The following SCAMP1 variants were observed in gnomAD, a reference collection of about 807,000 sequenced individuals.
The protein encoded by SCAMP1 is secretory carrier-associated membrane protein 1.
Under a neutral mutation model 41.8 loss-of-function variants are expected in SCAMP1, and 15 were observed. That is an observed-to-expected ratio of 0.36 (90% CI 0.24 to 0.55). The LOEUF is 0.55. Among genes scored for constraint, SCAMP1 ranks in the 20% least tolerant of loss-of-function variants. The probability of loss-of-function intolerance (pLI) is 0.86; values close to 1 mark genes in which losing one functional copy is unlikely to be tolerated. For missense variants in SCAMP1, 341 were observed against 412.6 expected (o/e 0.83, Z 1.50); for synonymous variants, 135 against 136.8 (o/e 0.99, Z 0.09).
At chr5:78,384,172 T>G (rs1032522556) in intron 1 of SCAMP1, among the ~76,000 whole-genome samples, 14 of 20,228 alleles carry the variant, frequency 6.9e-4, no homozygotes, top group Non-Finnish European at 4.1e-4. Context: ...TATTCCCAAG[T>G]TTTTTTTCTT....
intron 6 of SCAMP1, among the ~76,000 whole-genome samples, chr5:78,425,134 A>T (rs1224280495): frequency 6.6e-6 from 1 of 152,234 alleles, no homozygotes; most frequent in Non-Finnish European, 1.5e-5. Context: ...TTTATGATCT[A>T]TAAGTGAACT....
intron 1 of SCAMP1, among the ~76,000 whole-genome samples, chr5:78,369,395 T>C: frequency 6.6e-6 from 1 of 152,110 alleles, no homozygotes; most frequent in Middle Eastern, 3.2e-3. Flanking sequence ...GCGTGAGTCA[T>C]CGTGCCCGGC....
chr5:78,395,565 T>C (rs1317190690), intron 2 of SCAMP1, among the ~76,000 whole-genome samples: 2 of 152,230 alleles, frequency 1.3e-5, no homozygotes, highest in Non-Finnish European at 2.9e-5. Flanking sequence ...CAAGCTGTTG[T>C]CTTGGCTGCA....
intron 6 of SCAMP1, among the ~76,000 whole-genome samples, chr5:78,444,113 A>T (rs1035443791): frequency 3.9e-5 from 6 of 152,200 alleles, no homozygotes; most frequent in African/African-American, 1.4e-4. Flanking sequence ...ATTCTGGAGA[A>T]AGAATTCATT....
intron 6 of SCAMP1, among the ~76,000 whole-genome samples, chr5:78,432,964 A>G (rs1238114012): frequency 1.3e-5 from 2 of 151,660 alleles, no homozygotes; most frequent in African/African-American, 4.8e-5. Context: ...TATAATTTCT[A>G]TTTTCAGTTT....
Position 78,460,741 on chromosome 5 carries a change from T to TCTCC in SCAMP1, c.852+1380_852+1383dup, listed in dbSNP as rs1356443705. ...TCTCTTTCTTTCTTTTGGTTTCTTT[T>TCTCC]CTCCTTCCTTCCTTCCTTCCTTCCT... On this transcript the variant is annotated intron_variant, in intron 8 of 8. Transcript: ENST00000621999. Among the ~76,000 whole-genome samples, 112 of 117,726 alleles carry TCTCC rather than the reference T, an allele frequency of 9.5e-4. 5 individuals are homozygous for TCTCC. The highest frequency in any genetic ancestry group is 1.2e-3 in the Admixed American group (14 of 11,626). The allele number at this position is 117,726 out of a possible 152,430, so 77.2% of individuals were successfully genotyped here.
chr5:78,425,741 C>T (rs1485953504), intron 6 of SCAMP1, among the ~76,000 whole-genome samples: 2 of 152,066 alleles, frequency 1.3e-5, no homozygotes, highest in Non-Finnish European at 2.9e-5. Context: ...ATTGTATATA[C>T]TATAAAATTC....
At position 78,438,328 on chromosome 5, in the gene SCAMP1, C is replaced by T. The variant is rs1281344119; in HGVS notation, c.633-11605C>T. On this transcript the variant is annotated intron_variant, in intron 6 of 8. Transcript: ENST00000621999. ...GATAGGGTGTCTATTTTAGATCTTTCCTGCTTTCTCTTGTGAGCATTTAGC... is the reference window on the plus strand; with the variant it reads ...GATAGGGTGTCTATTTTAGATCTTTTCTGCTTTCTCTTGTGAGCATTTAGC... 2.6e-5 allele frequency among the ~76,000 whole-genome samples: 4 copies of T among 152,158 alleles called. No individual in the cohort carries two copies. In the East Asian group the frequency reaches 5.8e-4, roughly 22 times the overall value.
At chr5:78,438,976 C>G (rs1282171047) in intron 6 of SCAMP1, among the ~76,000 whole-genome samples, 1 of 152,174 alleles carries the variant, frequency 6.6e-6, no homozygotes, top group Non-Finnish European at 1.5e-5. Context: ...TAACAGCCTT[C>G]TTTCTCTCTT....
intron 6 of SCAMP1, among the ~76,000 whole-genome samples, chr5:78,443,458 T>C (rs1752977957): frequency 6.6e-6 from 1 of 152,020 alleles, no homozygotes; most frequent in African/African-American, 2.4e-5. Flanking sequence ...ATTAAGTCTG[T>C]TAAGTATAGA....
At position 78,412,454 on chromosome 5, in the gene SCAMP1, C is replaced by T. The variant is rs528044867; in HGVS notation, c.136-3066C>T. Among the ~76,000 whole-genome samples the T allele has an allele frequency of 2.7e-4, 41 of 151,888 alleles. No individual in the cohort carries two copies. The East Asian group carries it at 7.9e-3, about 29-fold the overall frequency. ...AGATACAGGGATTTTGTTTTTCCTC[C>T]CCCAATTTAAATAATTCTCCCAACA... On this transcript the variant is annotated intron_variant, in intron 2 of 8. Transcript: ENST00000621999.
At chr5:78,460,800 CCTTCCTCCCTT>C (rs1753579305) in intron 8 of SCAMP1, among the ~76,000 whole-genome samples, 2 of 34,232 alleles carry the variant, frequency 5.8e-5, no homozygotes, top group Non-Finnish European at 1.3e-4. Context: ...TTCCTTCCTT[CCTTCCTCCCTT>C]CCTTCCTTCC....
intron 2 of SCAMP1, among the ~76,000 whole-genome samples, chr5:78,397,387 C>T (rs1751678997): frequency 6.6e-6 from 1 of 152,160 alleles, no homozygotes; most frequent in Non-Finnish European, 1.5e-5. Flanking sequence ...TAGAAGAAGA[C>T]ATAAGAGTAA....
intron 4 of SCAMP1, 47 bp downstream of exon 4, chr5:78,416,696 A>G (rs1242677960): frequency 2.2e-6 from 3 of 1,386,026 alleles, no homozygotes; most frequent in East Asian, 5.0e-5. Flanking sequence ...TAAATACTTT[A>G]CATTATGTCT....
intron 8 of SCAMP1, among the ~76,000 whole-genome samples, chr5:78,469,125 A>G (rs764093229): frequency 5.9e-5 from 9 of 152,152 alleles, no homozygotes; most frequent in East Asian, 3.8e-4. Context: ...ATTATCATCT[A>G]TACTTTCTTG....
rs1028020524 is a variant in SCAMP1, at chr5:78,383,294, T to A, written c.58-5543T>A. On this transcript the variant is annotated intron_variant, in intron 1 of 8. Coordinates refer to ENST00000621999, the MANE Select transcript of SCAMP1 (RefSeq NM_004866.6). ...CCACTTTTTGATGGGATTGTTTTTT[T>A]CATGCTGATTTGTTTGAGTTCCTTG... Among the ~76,000 whole-genome samples the A allele has an allele frequency of 3.9e-5, 6 of 152,172 alleles. No individual in the cohort carries two copies. The East Asian group carries it at 1.2e-3, about 29-fold the overall frequency.
At chr5:78,463,328 G>T (rs1013092594) in intron 8 of SCAMP1, among the ~76,000 whole-genome samples, 1 of 152,106 alleles carries the variant, frequency 6.6e-6, no homozygotes, top group African/African-American at 2.4e-5. Flanking sequence ...TCTTCATCCA[G>T]TTCATAAATT....
At chr5:78,434,731 CA>C (rs1696557753) in intron 6 of SCAMP1, among the ~76,000 whole-genome samples, 1 of 152,118 alleles carries the variant, frequency 6.6e-6, no homozygotes, top group Admixed American at 6.6e-5. Context: ...ATTTGCACTT[CA>C]GAGTAAATCA....
chr5:78,394,041 G>C (rs963594437), intron 2 of SCAMP1, among the ~76,000 whole-genome samples: 5 of 152,224 alleles, frequency 3.3e-5, no homozygotes, highest in African/African-American at 7.2e-5. Context: ...TTGTCTGCCT[G>C]GTTCTTTTTC....
Sources: allele counts gnomAD v4.1 joint callset (sites outside exome capture counted in the v4.1 genomes callset), GRCh38; gene constraint gnomAD v4.1.1; transcripts MANE v1.5; gene names NCBI Gene and HGNC (gene_info 2026-07-23, HGNC 2026-07-21).